The following ARHGAP45 variants were observed in gnomAD, a reference collection of about 807,000 sequenced individuals.
The protein encoded by ARHGAP45 is Rho GTPase activating protein 45.
Under a neutral mutation model 116.1 loss-of-function variants are expected in ARHGAP45, and 56 were observed. The observed-to-expected ratio is 0.48, with a 90% CI of 0.39 to 0.60. The LOEUF is 0.60. Ranked by LOEUF, ARHGAP45 falls within the 20% of genes least tolerant of loss-of-function variation. ARHGAP45 has a pLI of 0.00. For synonymous variants in ARHGAP45, 866 were observed against 701.7 expected, an observed-to-expected ratio of 1.23 and a Z score of -3.70; for missense variants, 1,622 against 1,601.0, an observed-to-expected ratio of 1.01 and a Z score of -0.22.
At chr19:1,082,267 G>C (rs11878920) in intron 19 of ARHGAP45, among the ~76,000 whole-genome samples, 54,075 of 120,084 alleles carry the variant, frequency 0.45, 12,564 homozygotes, top group Non-Finnish European at 0.55. Flanking sequence ...CACACCTGAC[G>C]CTGTGCGGGG....
At chr19:1,083,428 G>T in intron 21 of ARHGAP45, 75 bp downstream of exon 21, 1 of 1,310,700 alleles carries the variant, frequency 7.6e-7, no homozygotes, top group Non-Finnish European at 1.1e-6. Context: ...GACAGTCGTT[G>T]TCGGATGAAG....
chr19:1,071,312 C>G lies in ARHGAP45; in HGVS notation c.422-1837C>G, dbSNP rs543566572. ...CCATGTGTATCTGCGGGACGGCGCA[C>G]CCGGTGCTGGACGAGGGCCCCGTGC... On this transcript the variant is annotated intron_variant, in intron 2 of 22. Transcript: ENST00000313093. The surrounding 1 kb of genome is among the most constrained non-coding windows in gnomAD (Gnocchi z 4.6). 3.9e-5 allele frequency: 57 copies of G among 1,457,090 alleles called. No homozygotes were observed. In the East Asian group the frequency reaches 1.8e-3, roughly 45 times the overall value. 90.3% of individuals were successfully genotyped at this position (1,457,090 alleles called of 1,614,324 possible).
chr19:1,083,146 C>A lies in ARHGAP45; in HGVS notation c.2748C>A (p.Ile916=). 1 of 1,606,990 alleles carries A rather than the reference C, an allele frequency of 6.2e-7. No individual in the cohort carries two copies. Among genetic ancestry groups the A allele is most frequent in the Non-Finnish European group, 8.5e-7 (1 of 1,178,582 alleles). The stretch of plus-strand genomic sequence containing the variant: ...CTGGCCCCTGCCCACCCCGCAGGAT[C>A]GTGGAGGTGGAGCAGGACAACAAGA... ...LQYLLRHLRR[I]VEVEQDNKMT... The change falls in exon 21 of 23, where the codon ATC becomes ATA. Residue 916 remains isoleucine, a synonymous_variant. Transcript: ENST00000313093.
chr19:1,068,687 G>A lies in ARHGAP45; in HGVS notation c.364G>A (p.Asp122Asn), dbSNP rs1486246999. 6.2e-7 allele frequency: 1 copy of A among 1,612,576 alleles called. No homozygotes were observed. The highest frequency in any genetic ancestry group is 8.5e-7 in the Non-Finnish European group (1 of 1,180,034). The change falls in exon 2 of 23, where the codon GAC (aspartate) becomes AAC (asparagine). Residue 122 changes from aspartate to asparagine, a missense_variant. Around this residue, in one of 3 missense-constraint regions of ARHGAP45, gnomAD observed 279 missense variants for 311.9 expected, o/e 0.89. Coordinates refer to ENST00000313093, the MANE Select transcript of ARHGAP45 (RefSeq NM_012292.5). The surrounding 1 kb of genome is among the most constrained non-coding windows in gnomAD (Gnocchi z 7.5). ...VVEDISHLLA[D>N]VARFAEGLEK... is the part of the protein sequence containing the mutation. ...CGAGGACATCTCCCATCTGCTGGCG[G>A]ACGTGGCCCGCTTCGCTGAGGGCCT... is the stretch of plus-strand genomic sequence containing the variant.
In ARHGAP45 at chr19:1,071,554, G is replaced by C. The variant is rs112469272; in HGVS notation, c.422-1595G>C. 15 of 255,472 alleles carry C rather than the reference G, an allele frequency of 5.9e-5. No individual in the cohort carries two copies. Among genetic ancestry groups the C allele is most frequent in the Non-Finnish European group, 2.5e-5 (4 of 161,286 alleles). 15.8% of individuals were successfully genotyped at this position (255,472 alleles called of 1,614,324 possible). On this transcript the variant is annotated intron_variant, in intron 2 of 22. Coordinates refer to ENST00000313093, the MANE Select transcript of ARHGAP45 (RefSeq NM_012292.5). The surrounding 1 kb of genome is among the most constrained non-coding windows in gnomAD (Gnocchi z 4.6). Reference sequence around the variant, plus strand: ...GGTAGGGGGTGTGCGGGGACAGCCGGGGGTCCGTGCGCCGGCCGCGCGCGG... The same window carrying C: ...GGTAGGGGGTGTGCGGGGACAGCCGCGGGTCCGTGCGCCGGCCGCGCGCGG...
Position 1,080,892 on chromosome 19 carries a change from C to T in ARHGAP45, c.2018C>T (p.Ala673Val). Residue 673 changes from alanine to valine, a missense_variant and splice_region_variant, in exon 17 of 23, where the codon GCT becomes GTT. Ala to Val is a moderately conservative substitution (Grantham distance 64). This residue lies in a region of ARHGAP45 where 1,334 missense variants were observed against 1,263.8 expected (regional missense o/e 1.06). Coordinates refer to ENST00000313093, the MANE Select transcript of ARHGAP45 (RefSeq NM_012292.5). ...CACCGGCTGCCTGTGCTGCCCGCAG[C>T]TGACCTCAACGGCATGACCCCCGAG... is the stretch of plus-strand genomic sequence containing the variant. ...GGAGASAFEQ[A>V]DLNGMTPELP... 2 of 1,607,730 alleles carry T rather than the reference C, an allele frequency of 1.2e-6. No individual in the cohort carries two copies. Among genetic ancestry groups the T allele is most frequent in the South Asian group, 1.1e-5 (1 of 90,666 alleles).
At chr19:1,067,690 G>A (rs1228951323) in intron 1 of ARHGAP45, 195 bp downstream of exon 1, 4 of 711,384 alleles carry the variant, frequency 5.6e-6, no homozygotes, top group South Asian at 3.0e-5. Flanking sequence ...GACCCTGGGA[G>A]TGGTGGCCGC....
At position 1,080,891 on chromosome 19, in the gene ARHGAP45, G is replaced by T; in HGVS notation, c.2018-1G>T. On this transcript the variant is annotated splice_acceptor_variant, in intron 16 of 22. Coordinates refer to ENST00000313093, the MANE Select transcript of ARHGAP45 (RefSeq NM_012292.5). LOFTEE classifies it high-confidence loss of function. ...ACACCGGCTGCCTGTGCTGCCCGCA[G>T]CTGACCTCAACGGCATGACCCCCGA... 6.2e-7 allele frequency: 1 copy of T among 1,608,018 alleles called. No homozygotes were observed. Among genetic ancestry groups the T allele is most frequent in the Non-Finnish European group, 8.5e-7 (1 of 1,177,244 alleles).
At chr19:1,070,391 C>T (rs2043118681) in intron 2 of ARHGAP45, among the ~76,000 whole-genome samples, 1 of 135,904 alleles carries the variant, frequency 7.4e-6, no homozygotes, top group Non-Finnish European at 1.5e-5. Context: ...AGTGCAGGGG[C>T]GAGATCTCAG....
rs1299671317 is a variant in ARHGAP45 at position 1,086,053 on chromosome 19, C to T, written c.*47C>T. On this transcript the variant is annotated 3_prime_UTR_variant, in exon 23 of 23. Transcript: ENST00000313093. ...CAGGTGGCTTCTCTCTTGCCTGCTCCTGTCCCTCCAGCACGTCCCCTGCAC... is the reference window on the plus strand; with the variant it reads ...CAGGTGGCTTCTCTCTTGCCTGCTCTTGTCCCTCCAGCACGTCCCCTGCAC... 2 of 1,508,586 alleles carry T rather than the reference C, an allele frequency of 1.3e-6. No homozygotes were observed. The highest frequency in any genetic ancestry group is 2.7e-5 in the African/African-American group (2 of 73,180). 93.5% of individuals were successfully genotyped at this position (1,508,586 alleles called of 1,614,324 possible).
Position 1,074,707 on chromosome 19 carries a change from AC to A in ARHGAP45, c.1090del (p.Gln364ArgfsTer7). The A allele has an allele frequency of 3.7e-6, 6 of 1,608,782 alleles. No homozygotes were observed. The highest frequency in any genetic ancestry group is 5.1e-6 in the Non-Finnish European group (6 of 1,178,520). On this transcript the variant is annotated frameshift_variant, in exon 9 of 23. Transcript: ENST00000313093. LOFTEE classifies it high-confidence loss of function. ...GGTGCAGGCGGTGGGCACCTTGCAG[AC>A]CCAGACCTTCATGCAGGTGCGTGGT... ...SMVQAVGTLQ[T>X]QTFMQPLTLR...
At chr19:1,072,882 G>T (rs2043165507) in intron 2 of ARHGAP45, among the ~76,000 whole-genome samples, 1 of 152,174 alleles carries the variant, frequency 6.6e-6, no homozygotes, top group Non-Finnish European at 1.5e-5. Flanking sequence ...AGGACAAGAG[G>T]CAGTTTGCTT....
chr19:1,071,286 G>T lies in ARHGAP45; in HGVS notation c.422-1863G>T. 4.1e-6 allele frequency: 6 copies of T among 1,478,236 alleles called. No homozygotes were observed. Among genetic ancestry groups the T allele is most frequent in the Non-Finnish European group, 5.4e-6 (6 of 1,119,634 alleles). The allele number at this position is 1,478,236 out of a possible 1,614,324, so 91.6% of individuals were successfully genotyped here. A position where few individuals can be genotyped will look rare whatever the true frequency, so the allele number is the denominator to read the frequency against. Reference sequence around the variant, plus strand: ...GCGGTCTCCGCGCCCCGACGGCTGCGCCATGTGTATCTGCGGGACGGCGCA... The same window carrying T: ...GCGGTCTCCGCGCCCCGACGGCTGCTCCATGTGTATCTGCGGGACGGCGCA... On this transcript the variant is annotated intron_variant, in intron 2 of 22. Transcript: ENST00000313093. This position sits in a 1 kb window ranked among gnomAD's most constrained non-coding sequence, Gnocchi z 4.6.
At chr19:1,077,316 G>A (rs2043275940) in intron 10 of ARHGAP45, 2 of 985,034 alleles carry the variant, frequency 2.0e-6, no homozygotes, top group Non-Finnish European at 2.4e-6. Context: ...GGGCTGCAGA[G>A]TGGGCACACA....
chr19:1,077,961 G>A lies in ARHGAP45; in HGVS notation c.1290G>A (p.Gln430=), dbSNP rs2043304773. The A allele has an allele frequency of 1.3e-6, 2 of 1,553,188 alleles. No homozygotes were observed. Among genetic ancestry groups the A allele is most frequent in the Non-Finnish European group, 1.7e-6 (2 of 1,147,814 alleles). The change falls in exon 11 of 23, where the codon CAG becomes CAA. Residue 430 remains glutamine (Q), a synonymous_variant. Coordinates refer to ENST00000313093, the MANE Select transcript of ARHGAP45 (RefSeq NM_012292.5). ...TCGTGGCCAAGGCGGAGGAGGAGCA[G>A]GCTGGCAGCGCGCCGGGAGCAGGCA... is the stretch of plus-strand genomic sequence containing the variant. The part of the protein sequence containing the change: ...RFLVAKAEEE[Q]AGSAPGAGST...
At chr19:1,074,066 G>A (rs778476566) in intron 6 of ARHGAP45, 38 bp from the exon 7 acceptor site, 14 of 1,605,838 alleles carry the variant, frequency 8.7e-6, no homozygotes, top group Non-Finnish European at 8.5e-6. Context: ...GCCATTGCGC[G>A]GGTCGGGCCA....
chr19:1,083,082 T>C lies in ARHGAP45; in HGVS notation c.2744+16T>C, dbSNP rs757072502. 15 of 1,559,546 alleles carry C rather than the reference T, an allele frequency of 9.6e-6. No individual in the cohort carries two copies. The highest frequency in any genetic ancestry group is 1.3e-5 in the Non-Finnish European group (15 of 1,156,660). ...ACCTACGCAGGTGAGTCCCGGCATA[T>C]GGAGTGGAGGGCGCGGGGTCCCGGG... On this transcript the variant is annotated intron_variant, in intron 20 of 22. Coordinates refer to ENST00000313093, the MANE Select transcript of ARHGAP45 (RefSeq NM_012292.5).
chr19:1,067,930 C>CAGGTT lies in ARHGAP45; in HGVS notation c.90+435_90+436insAGGTT, dbSNP rs2043069070. ...CAGGTTCAGAGGTTGGGGAGTGTCC[C>CAGGTT]CAGGCCTGGGGTGTCTACAAAGCTG... On this transcript the variant is annotated intron_variant, in intron 1 of 22. Coordinates refer to ENST00000313093, the MANE Select transcript of ARHGAP45 (RefSeq NM_012292.5). Among the ~76,000 whole-genome samples the CAGGTT allele has an allele frequency of 2.3e-5, 3 of 132,028 alleles. No homozygotes were observed. The South Asian group carries it at 7.3e-4, about 32-fold the overall frequency. 86.6% of individuals were successfully genotyped at this position (132,028 alleles called of 152,430 possible). A position where few individuals can be genotyped will look rare whatever the true frequency, so the allele number is the denominator to read the frequency against.
intron 10 of ARHGAP45, among the ~76,000 whole-genome samples, chr19:1,076,303 T>G (rs1361149595): frequency 6.6e-6 from 1 of 152,110 alleles, no homozygotes; most frequent in Non-Finnish European, 1.5e-5. Flanking sequence ...TTTGCTTACT[T>G]TGTACTGGAC....
Sources: allele counts gnomAD v4.1 joint callset (sites outside exome capture counted in the v4.1 genomes callset), GRCh38; gene constraint gnomAD v4.1.1; regional missense constraint gnomAD v4.1.1; non-coding constraint Gnocchi (gnomAD v3.1); transcripts MANE v1.5; gene names NCBI Gene and HGNC (gene_info 2026-07-23, HGNC 2026-07-21).